FRMD6: variants seen among roughly 807,000 people sequenced by gnomAD.
The protein encoded by FRMD6 is FERM domain-containing protein 6.
Under a neutral mutation model 73.2 loss-of-function variants are expected in FRMD6, and 37 were observed. The observed-to-expected ratio is 0.51, with a 90% confidence interval of 0.39 to 0.66. The LOEUF (loss-of-function observed/expected upper bound fraction) is 0.66. Ranked by LOEUF, FRMD6 falls within the 30% of genes least tolerant of loss-of-function variation. The pLI is 0.00. For missense variants in FRMD6, 714 were observed against 780.5 expected (o/e 0.91, Z 1.02); for synonymous variants, 273 against 282.2 (o/e 0.97, Z 0.33).
chr14:51,422,782 A>G, the FRMD6 span, among the ~76,000 whole-genome samples: 1 of 152,190 alleles, frequency 6.6e-6, no homozygotes, highest in African/African-American at 2.4e-5. Flanking sequence ...GTGGGTCAAC[A>G]CCCTTTGGGT....
chr14:51,612,646 A>G (rs989810319), intron 2 of FRMD6, among the ~76,000 whole-genome samples: 1 of 152,212 alleles, frequency 6.6e-6, no homozygotes, highest in Admixed American at 6.5e-5. Flanking sequence ...CAACTTCTGT[A>G]GGTCTTGATT....
chr14:51,651,792 G>C (rs1892408565), upstream of FRMD6: 1 of 141,058 alleles, frequency 7.1e-6, no homozygotes, highest in South Asian at 2.3e-4. Flanking sequence ...AGTTGGGGCG[G>C]GTCGGGGGCG....
chr14:51,531,868 C>T (rs1885602884), intron 1 of FRMD6, among the ~76,000 whole-genome samples: 1 of 152,148 alleles, frequency 6.6e-6, no homozygotes, highest in Non-Finnish European at 1.5e-5. Flanking sequence ...ATGAGACTGG[C>T]AAAAATCAAC....
chr14:51,549,289 A>G (rs1272947309), intron 1 of FRMD6, among the ~76,000 whole-genome samples: 1 of 152,160 alleles, frequency 6.6e-6, no homozygotes, highest in Non-Finnish European at 1.5e-5. Context: ...TGAAGTGAAT[A>G]TTTTTAAAAA....
chr14:51,494,788 T>C (rs1331555278), intron 1 of FRMD6, among the ~76,000 whole-genome samples: 1 of 152,218 alleles, frequency 6.6e-6, no homozygotes, highest in African/African-American at 2.4e-5. Context: ...CCGTAATATT[T>C]TCTGAATTTC....
the FRMD6 span, among the ~76,000 whole-genome samples, chr14:51,411,280 G>A: frequency 6.6e-6 from 1 of 152,188 alleles, no homozygotes; most frequent in African/African-American, 2.4e-5. Flanking sequence ...GAGCAGAACT[G>A]AAAAGTCATG....
chr14:51,585,939 G>GTGTGTGTGTGTGTGTGTATATATA lies in FRMD6; in HGVS notation c.-147+15530_-147+15531insGTGTGTGTGTGTGTGTATATATAT. ...TGCCATGGCATGTGTGTGTGTGTGTGTATATATATATATATATATATAACA... is the reference window on the plus strand; with the variant it reads ...TGCCATGGCATGTGTGTGTGTGTGTGTGTGTGTGTGTGTGTGTATATATATATATATATATATATATATATAACA... On this transcript the variant is annotated intron_variant, in intron 2 of 14. Coordinates refer to the FRMD6 transcript ENST00000356218. Among the ~76,000 whole-genome samples the GTGTGTGTGTGTGTGTGTATATATA allele has an allele frequency of 3.5e-4, 11 of 31,394 alleles. 3 individuals carry two copies. The highest frequency in any genetic ancestry group is 2.1e-3 in the South Asian group (2 of 938). The allele number at this position is 31,394 out of a possible 152,430, so 20.6% of individuals were successfully genotyped here.
chr14:51,625,213 T>TCCATGTATATGTA (rs1891071659), intron 2 of FRMD6, among the ~76,000 whole-genome samples: 1 of 152,206 alleles, frequency 6.6e-6, no homozygotes, highest in African/African-American at 2.4e-5. Flanking sequence ...GCATATTACT[T>TCCATGTATATGTA]CCAGCAATCT....
chr14:51,489,549 A>T (rs576365113), intron 1 of FRMD6: 2 of 152,390 alleles, frequency 1.3e-5, no homozygotes, highest in South Asian at 4.1e-4. Flanking sequence ...TTTGTCTGCA[A>T]ACCAGCCCAA....
At chr14:51,692,756 A>G (rs912218196) in intron 2 of FRMD6, 3 of 152,190 alleles carry the variant, frequency 2.0e-5, no homozygotes, top group African/African-American at 7.2e-5. Flanking sequence ...TGTGTAGTCT[A>G]TGGCCATACT....
chr14:51,508,724 C>T (rs577094294), intron 1 of FRMD6, among the ~76,000 whole-genome samples: 40 of 152,296 alleles, frequency 2.6e-4, no homozygotes, highest in Non-Finnish European at 5.1e-4. Context: ...AACAAATAGT[C>T]ATATGAATTG....
intron 6 of FRMD6, among the ~76,000 whole-genome samples, chr14:51,705,981 G>C (rs6572786): frequency 6.6e-6 from 1 of 151,732 alleles, no homozygotes. Flanking sequence ...CCCAAATCTG[G>C]TTTTTTCCCC....
At chr14:51,574,383 G>C (rs144746409) in intron 2 of FRMD6, among the ~76,000 whole-genome samples, 69 of 152,214 alleles carry the variant, frequency 4.5e-4, no homozygotes, top group Non-Finnish European at 8.2e-4. Context: ...CTTCTTTTTT[G>C]AGATTTATAT....
chr14:51,647,282 C>T (rs540778003), upstream of FRMD6, among the ~76,000 whole-genome samples: 12 of 152,106 alleles, frequency 7.9e-5, no homozygotes, highest in South Asian at 1.2e-3. Flanking sequence ...ACATAAGCCC[C>T]GTGCTATGCT....
At chr14:51,470,757 G>A in the FRMD6 span, among the ~76,000 whole-genome samples, 1 of 152,080 alleles carries the variant, frequency 6.6e-6, no homozygotes, top group African/African-American at 2.4e-5. Flanking sequence ...TTTTGTCTTT[G>A]ACTTATGAAT....
chr14:51,635,152 G>T (rs1344441988), intron 2 of FRMD6, among the ~76,000 whole-genome samples: 1 of 152,268 alleles, frequency 6.6e-6, no homozygotes, highest in African/African-American at 2.4e-5. Flanking sequence ...GGAGGCTGAG[G>T]TACAGAGGTC....
chr14:51,474,771 G>T, the FRMD6 span, among the ~76,000 whole-genome samples: 2 of 152,172 alleles, frequency 1.3e-5, no homozygotes, highest in Admixed American at 1.3e-4. Context: ...CTTTGAACAT[G>T]GGAGAGGTGG....
chr14:51,414,408 G>A, the FRMD6 span, among the ~76,000 whole-genome samples: 1 of 152,144 alleles, frequency 6.6e-6, no homozygotes, highest in Non-Finnish European at 1.5e-5. Flanking sequence ...TATTAAATAG[G>A]GAATCCTTTT....
At chr14:51,656,323 A>G (rs567729811) in intron 1 of FRMD6, among the ~76,000 whole-genome samples, 213 of 152,342 alleles carry the variant, frequency 1.4e-3, no homozygotes, top group Non-Finnish European at 2.3e-3. Flanking sequence ...ATGTGCTGAA[A>G]CAAATTCACA....
Sources: gnomAD v4.1 joint callset for allele counts (sites outside exome capture counted in the v4.1 genomes callset) on GRCh38, gnomAD v4.1.1 for gene constraint, MANE v1.5 for transcripts, NCBI Gene and HGNC (gene_info 2026-07-23, HGNC 2026-07-21) for gene names.